BMP6: variants seen among roughly 807,000 people sequenced by gnomAD.
BMP6 encodes bone morphogenetic protein 6, also known as VG-1-R.
In BMP6, 17 loss-of-function variants were observed where a neutral mutation model predicts 54.1. The ratio of observed to expected loss-of-function variants is 0.31; its 90% CI spans 0.22 to 0.47. The LOEUF is 0.47. Ranked by LOEUF, BMP6 falls within the 20% of genes least tolerant of loss-of-function variation. The pLI, the probability that BMP6 is intolerant of heterozygous loss-of-function variation, is 1.00. For missense variants in BMP6, 720 were observed against 690.4 expected, an observed-to-expected ratio of 1.04 and a Z score of -0.48; for synonymous variants, 328 against 291.2, an observed-to-expected ratio of 1.13 and a Z score of -1.28.
rs80216080 is a variant in BMP6 at position 7,795,823 on chromosome 6, G to A, written c.665-49317G>A. Among the ~76,000 whole-genome samples the A allele has an allele frequency of 2.4e-3, 365 of 152,224 alleles. 2 individuals carry two copies. The highest frequency in any genetic ancestry group is 8.4e-3 in the African/African-American group (350 of 41,516). On this transcript the variant is annotated intron_variant, in intron 1 of 6. Transcript: ENST00000283147. ...AGGGGAGAGCAATGGTAGGGAATGA[G>A]GTGTTGAAGGTGACTCCTGGGCACC...
chr6:7,772,146 A>C (rs1283367818), intron 1 of BMP6, among the ~76,000 whole-genome samples: 5 of 151,994 alleles, frequency 3.3e-5, no homozygotes, highest in Non-Finnish European at 7.4e-5. Context: ...TGGGAACCCC[A>C]CACTCCCCTC....
chr6:7,855,787 C>T (rs1369423015), intron 2 of BMP6, among the ~76,000 whole-genome samples: 1 of 151,854 alleles, frequency 6.6e-6, no homozygotes, highest in Non-Finnish European at 1.5e-5. Flanking sequence ...CCTCAGCCTC[C>T]CACGGTGCTG....
chr6:7,794,459 G>A (rs1239145499), intron 1 of BMP6, among the ~76,000 whole-genome samples: 1 of 152,092 alleles, frequency 6.6e-6, no homozygotes, highest in Admixed American at 6.6e-5. Context: ...AAATAGCTGG[G>A]TGTGGTGGCT....
intron 1 of BMP6, among the ~76,000 whole-genome samples, chr6:7,748,863 T>C (rs1224793552): frequency 6.6e-6 from 1 of 152,210 alleles, no homozygotes; most frequent in Admixed American, 6.5e-5. Context: ...ATCTCTAGGA[T>C]TGTGAATTTC....
At chr6:7,835,334 G>A (rs1304172946) in intron 1 of BMP6, among the ~76,000 whole-genome samples, 1 of 152,158 alleles carries the variant, frequency 6.6e-6, no homozygotes, top group Non-Finnish European at 1.5e-5. Context: ...GGATGGTCTC[G>A]ATCTCCTGAC....
Position 7,876,118 on chromosome 6 carries a change from A to G in BMP6, c.1205-2956A>G, listed in dbSNP as rs1409357892. ...ATTCCCCCACATGCGAAGTGTTGCC[A>G]AAAGCTGGGTAGCAAAAGCAGTAAA... On this transcript the variant is annotated intron_variant, in intron 4 of 6. Coordinates refer to ENST00000283147, the MANE Select transcript of BMP6 (RefSeq NM_001718.6). 2.0e-5 allele frequency among the ~76,000 whole-genome samples: 3 copies of G among 152,220 alleles called. No individual in the cohort carries two copies. The East Asian group carries it at 5.8e-4, about 29-fold the overall frequency.
At chr6:7,835,456 A>C (rs1758858249) in intron 1 of BMP6, among the ~76,000 whole-genome samples, 1 of 152,158 alleles carries the variant, frequency 6.6e-6, no homozygotes, top group Non-Finnish European at 1.5e-5. Context: ...AGTCAAGTGG[A>C]GGATATTGTG....
At chr6:7,780,358 G>A (rs1199448361) in intron 1 of BMP6, among the ~76,000 whole-genome samples, 1 of 152,090 alleles carries the variant, frequency 6.6e-6, no homozygotes. Context: ...GACCAGCCTG[G>A]CCAACATGGT....
chr6:7,795,231 C>A (rs879286351), intron 1 of BMP6, among the ~76,000 whole-genome samples: 1 of 152,172 alleles, frequency 6.6e-6, no homozygotes, highest in Admixed American at 6.5e-5. Flanking sequence ...TTCATCCCCA[C>A]TCTTGAGATT....
At chr6:7,771,387 TC>T (rs763611256) in intron 1 of BMP6, among the ~76,000 whole-genome samples, 29 of 152,174 alleles carry the variant, frequency 1.9e-4, no homozygotes, top group Admixed American at 3.9e-4. Context: ...CTAGAGTTGT[TC>T]TGCACTGAGT....
intron 1 of BMP6, among the ~76,000 whole-genome samples, chr6:7,799,568 G>A (rs1167208906): frequency 2.0e-5 from 3 of 152,096 alleles, no homozygotes; most frequent in African/African-American, 4.8e-5. Flanking sequence ...CTTCTAGGCA[G>A]GCATCCTATA....
At position 7,829,732 on chromosome 6, in the gene BMP6, T is replaced by G. The variant is rs80202435; in HGVS notation, c.665-15408T>G. Among the ~76,000 whole-genome samples the G allele has an allele frequency of 3.9e-5, 6 of 152,210 alleles. No individual in the cohort carries two copies. In the South Asian group the frequency reaches 1.2e-3, roughly 32 times the overall value. On this transcript the variant is annotated intron_variant, in intron 1 of 6. Coordinates refer to ENST00000283147, the MANE Select transcript of BMP6 (RefSeq NM_001718.6). ...AATAAAAATGCACCATCTGGTGCCA[T>G]GTAGCACTGTTGGGCGTCTGCAGAG...
At chr6:7,857,453 A>G (rs904408094) in intron 2 of BMP6, among the ~76,000 whole-genome samples, 1 of 152,216 alleles carries the variant, frequency 6.6e-6, no homozygotes, top group African/African-American at 2.4e-5. Context: ...TAACTGCATT[A>G]AAAATTATCT....
chr6:7,764,934 C>T (rs1398876806), intron 1 of BMP6, among the ~76,000 whole-genome samples: 1 of 152,144 alleles, frequency 6.6e-6, no homozygotes, highest in African/African-American at 2.4e-5. Context: ...TGAGGCTTCC[C>T]TTCATGCCTT....
At chr6:7,790,514 C>CAAAAAAAAA (rs35572440) in intron 1 of BMP6, among the ~76,000 whole-genome samples, 2 of 73,502 alleles carry the variant, frequency 2.7e-5, no homozygotes, top group African/African-American at 6.9e-5. Flanking sequence ...GACCCTGTCT[C>CAAAAAAAAA]AAAAAAAAAA....
intron 4 of BMP6, among the ~76,000 whole-genome samples, chr6:7,868,294 C>T (rs1391045887): frequency 6.6e-6 from 1 of 152,172 alleles, no homozygotes; most frequent in African/African-American, 2.4e-5. Context: ...AAAATCTAGA[C>T]TCTGATCAAA....
In BMP6 at chr6:7,727,049, CCCGCTGCCGCGG is replaced by C; in HGVS notation, c.99_110del (p.Ala36_Ala39del). ...GCCCCCGCCGCTGCGGCCGCCCTTGCCCGCTGCCGCGGCCGCCGCCGCCGGGGGGCAGCTGCT... is the reference window on the plus strand; with the variant it reads ...GCCCCCGCCGCTGCGGCCGCCCTTGCCCGCCGCCGCCGGGGGGCAGCTGCT... On this transcript the variant is annotated inframe_deletion, in exon 1 of 7. Transcript: ENST00000283147. 1 of 1,172,494 alleles carries C rather than the reference CCCGCTGCCGCGG, an allele frequency of 8.5e-7. No individual in the cohort carries two copies. The highest frequency in any genetic ancestry group is 1.0e-6 in the Non-Finnish European group (1 of 952,490). 72.6% of individuals were successfully genotyped at this position (1,172,494 alleles called of 1,614,324 possible).
In BMP6 at chr6:7,813,108, AATATATATATATATAT is replaced by A. The variant is rs1182296124; in HGVS notation, c.665-32006_665-31991del. Among the ~76,000 whole-genome samples, 60 of 21,476 alleles carry A rather than the reference AATATATATATATATAT, an allele frequency of 2.8e-3. 1 individual carries two copies. Among genetic ancestry groups the A allele is most frequent in the Middle Eastern group, 0.045 (1 of 22 alleles). The allele number at this position is 21,476 out of a possible 152,430, so 14.1% of individuals were successfully genotyped here. A position where few individuals can be genotyped will look rare whatever the true frequency, so the allele number is the denominator to read the frequency against. ...CTACAAAAAAAAAAAAAAAAAAAAAAATATATATATATATATATATATATATATATATATATATATA... is the reference window on the plus strand; with the variant it reads ...CTACAAAAAAAAAAAAAAAAAAAAAAATATATATATATATATATATATATA... On this transcript the variant is annotated intron_variant, in intron 1 of 6. Coordinates refer to ENST00000283147, the MANE Select transcript of BMP6 (RefSeq NM_001718.6).
intron 4 of BMP6, among the ~76,000 whole-genome samples, chr6:7,878,637 A>G (rs1260927744): frequency 6.7e-6 from 1 of 150,098 alleles, no homozygotes; most frequent in East Asian, 2.0e-4. Context: ...CTGGCCCGGC[A>G]GCTGTCTTGA....
Sources: allele counts gnomAD v4.1 joint callset (sites outside exome capture counted in the v4.1 genomes callset), GRCh38; gene constraint gnomAD v4.1.1; transcripts MANE v1.5; gene names NCBI Gene and HGNC (gene_info 2026-07-23, HGNC 2026-07-21).